The following IL1RAPL1 variants were observed in gnomAD, a reference collection of about 807,000 sequenced individuals.
IL1RAPL1 encodes interleukin-1 receptor accessory protein-like 1.
Under a neutral mutation model 48.4 loss-of-function variants are expected in IL1RAPL1, and 3 were observed. The ratio of observed to expected loss-of-function variants is 0.06; its 90% CI spans 0.03 to 0.16. The LOEUF (loss-of-function observed/expected upper bound fraction) is 0.16. IL1RAPL1 is among the 10% of genes least tolerant of loss of function. The probability of loss-of-function intolerance (pLI) is 1.00; values close to 1 mark genes in which losing one functional copy is unlikely to be tolerated. For synonymous variants in IL1RAPL1, 185 were observed against 187.7 expected, an observed-to-expected ratio of 0.99 and a Z score of 0.12; for missense variants, 349 against 530.6, an observed-to-expected ratio of 0.66 and a Z score of 3.36.
chrX:29,605,569 A>G (rs934617562), intron 5 of IL1RAPL1, among the ~76,000 whole-genome samples: 7 of 111,254 alleles, frequency 6.3e-5, no homozygotes, highest in African/African-American at 2.0e-4. Flanking sequence ...AGGCAAACAA[A>G]TGACTGTGGG....
chrX:28,977,931 C>G (rs200273789), intron 2 of IL1RAPL1, among the ~76,000 whole-genome samples: 1 of 111,859 alleles, frequency 8.9e-6, no homozygotes, highest in African/African-American at 3.3e-5. Flanking sequence ...CCATTGCACT[C>G]CAGCCTGGGG....
At chrX:29,413,073 G>A (rs1294197191) in intron 5 of IL1RAPL1, among the ~76,000 whole-genome samples, 3 of 111,320 alleles carry the variant, frequency 2.7e-5, no homozygotes, top group African/African-American at 9.8e-5. Context: ...CATGGGGGCG[G>A]GTCTTTGCCA....
intron 2 of IL1RAPL1, among the ~76,000 whole-genome samples, chrX:29,004,216 A>G (rs1925924632): frequency 8.9e-6 from 1 of 112,738 alleles, no homozygotes; most frequent in Non-Finnish European, 1.9e-5. Flanking sequence ...ATATTATCAT[A>G]CTTGCAAGTA....
chrX:29,921,568 G>A (rs777169810), intron 8 of IL1RAPL1, among the ~76,000 whole-genome samples: 1 of 112,166 alleles, frequency 8.9e-6, no homozygotes, highest in Admixed American at 9.5e-5. Flanking sequence ...TCAAGGAAGA[G>A]ATTTTAGTAG....
At chrX:28,621,463 C>T (rs1003630440) in intron 1 of IL1RAPL1, among the ~76,000 whole-genome samples, 3 of 112,055 alleles carry the variant, frequency 2.7e-5, no homozygotes, top group Non-Finnish European at 5.6e-5. Flanking sequence ...AATGCACCTT[C>T]CTCTTTCTTA....
chrX:29,769,610 ATTTTTTT>A (rs146650137), intron 6 of IL1RAPL1, among the ~76,000 whole-genome samples: 1 of 43,056 alleles, frequency 2.3e-5, no homozygotes, highest in Admixed American at 3.5e-4. Flanking sequence ...TGCCTGGCTA[ATTTTTTT>A]TTTTTTTTTT....
At chrX:28,836,963 C>T (rs1921236476) in intron 2 of IL1RAPL1, among the ~76,000 whole-genome samples, 1 of 109,620 alleles carries the variant, frequency 9.1e-6, no homozygotes, top group African/African-American at 3.3e-5. Flanking sequence ...CTGTGGTTGG[C>T]ACCTTGAAAA....
intron 5 of IL1RAPL1, among the ~76,000 whole-genome samples, chrX:29,424,778 CAGTT>C (rs768626520): frequency 9.0e-6 from 1 of 111,493 alleles, no homozygotes; most frequent in Non-Finnish European, 1.9e-5. Context: ...GAGGAAAACT[CAGTT>C]AGGACTTCTT....
At chrX:28,731,823 A>G (rs1053744393) in intron 1 of IL1RAPL1, among the ~76,000 whole-genome samples, 1 of 112,198 alleles carries the variant, frequency 8.9e-6, no homozygotes, top group Non-Finnish European at 1.9e-5. Context: ...AAGATGTCAA[A>G]GAAAATAGAG....
At chrX:28,902,534 T>G (rs983194381) in intron 2 of IL1RAPL1, among the ~76,000 whole-genome samples, 1 of 112,245 alleles carries the variant, frequency 8.9e-6, no homozygotes, top group African/African-American at 3.2e-5. Context: ...TGAGACATCC[T>G]TGTGGAGACT....
At chrX:28,632,682 C>A (rs1239946143) in intron 1 of IL1RAPL1, among the ~76,000 whole-genome samples, 10 of 111,120 alleles carry the variant, frequency 9.0e-5, no homozygotes, top group Admixed American at 7.7e-4. Flanking sequence ...TAAGACCTCC[C>A]ATTACAAATT....
chrX:29,646,193 A>G (rs1178523341), intron 5 of IL1RAPL1, among the ~76,000 whole-genome samples: 1 of 112,253 alleles, frequency 8.9e-6, no homozygotes, highest in Non-Finnish European at 1.9e-5. Flanking sequence ...AAGAGAAATA[A>G]TAAATTTCAA....
chrX:28,835,954 T>G (rs186575294), intron 2 of IL1RAPL1, among the ~76,000 whole-genome samples: 2 of 111,122 alleles, frequency 1.8e-5, no homozygotes, highest in East Asian at 5.7e-4. Context: ...TATTAGAATA[T>G]TATATGTATT....
intron 6 of IL1RAPL1, among the ~76,000 whole-genome samples, chrX:29,755,912 A>G (rs1017102235): frequency 5.4e-5 from 6 of 111,818 alleles, no homozygotes; most frequent in Non-Finnish European, 1.1e-4. Context: ...AGTGGTTAAG[A>G]TCACTGGCTT....
chrX:29,312,516 T>C (rs1411119913), intron 3 of IL1RAPL1, among the ~76,000 whole-genome samples: 1 of 112,272 alleles, frequency 8.9e-6, no homozygotes, highest in Non-Finnish European at 1.9e-5. Context: ...AGCTAAGTCC[T>C]TGAATCACAA....
chrX:29,273,122 T>C (rs923997863), intron 2 of IL1RAPL1, among the ~76,000 whole-genome samples: 8 of 111,999 alleles, frequency 7.1e-5, no homozygotes, highest in African/African-American at 2.0e-4. Flanking sequence ...TATTCTGAAT[T>C]ACATGTCTGT....
At chrX:29,564,289 T>C (rs1195246078) in intron 5 of IL1RAPL1, among the ~76,000 whole-genome samples, 2 of 112,135 alleles carry the variant, frequency 1.8e-5, no homozygotes, top group East Asian at 5.6e-4. Context: ...CAAATAAGCA[T>C]GATTATTGCA....
chrX:29,550,937 C>T (rs960429979), intron 5 of IL1RAPL1, among the ~76,000 whole-genome samples: 1 of 112,141 alleles, frequency 8.9e-6, no homozygotes, highest in African/African-American at 3.2e-5. Flanking sequence ...ATCTTCAAAA[C>T]TGAAACTCTG....
intron 2 of IL1RAPL1, among the ~76,000 whole-genome samples, chrX:28,891,683 G>C (rs913254918): frequency 8.9e-6 from 1 of 112,280 alleles, no homozygotes; most frequent in African/African-American, 3.2e-5. Context: ...TCAGCTGGTA[G>C]ACATTTAGGT....
Sources: gnomAD v4.1 joint callset for allele counts (sites outside exome capture counted in the v4.1 genomes callset) on GRCh38, gnomAD v4.1.1 for gene constraint, MANE v1.5 for transcripts, NCBI Gene and HGNC (gene_info 2026-07-23, HGNC 2026-07-21) for gene names.